The following ANGPTL4 variants were observed in gnomAD, a reference collection of about 807,000 sequenced individuals.
The protein encoded by ANGPTL4 is angiopoietin like 4, also known as angiopoietin-related protein 4.
ANGPTL4 carries 39 observed loss-of-function variants against 39.2 expected under a neutral mutation model. That is an observed-to-expected ratio of 1.00 (90% CI 0.77 to 1.30). The LOEUF (loss-of-function observed/expected upper bound fraction) is 1.30. Ranked by LOEUF, ANGPTL4 falls within the 50% of genes most tolerant of loss-of-function variation. ANGPTL4 has a pLI of 0.00. For synonymous variants in ANGPTL4, 233 were observed against 229.5 expected (o/e 1.02, Z -0.14); for missense variants, 545 against 549.8 (o/e 0.99, Z 0.09).
At position 8,371,416 on chromosome 19, in the gene ANGPTL4, G is replaced by C. The variant is rs1011837076; in HGVS notation, c.933G>C (p.Gln311His). 7 of 1,613,374 alleles carry C rather than the reference G, an allele frequency of 4.3e-6. No homozygotes were observed. The highest frequency in any genetic ancestry group is 1.6e-4 in the Middle Eastern group (1 of 6,062). The change falls in exon 6 of 7, where the codon CAG (glutamine) becomes CAC (histidine). Residue 311 changes from glutamine to histidine, a missense_variant. By Grantham distance (24) the Gln-to-His change is conservative. Coordinates refer to ENST00000301455, the MANE Select transcript of ANGPTL4 (RefSeq NM_139314.3). The surrounding 1 kb of genome is among the most constrained non-coding windows in gnomAD (Gnocchi z 5.1). Reference protein sequence around the residue: ...SLQLTAPVAGQLGATTVPPSG... With the variant: ...SLQLTAPVAGHLGATTVPPSG... Reference sequence around the variant, plus strand: ...AGCTCACTGCACCCGTGGCCGGCCAGCTGGGCGCCACCACCGTCCCACCCA... The same window carrying C: ...AGCTCACTGCACCCGTGGCCGGCCACCTGGGCGCCACCACCGTCCCACCCA...
At chr19:8,370,878 C>T (rs1477878761) in intron 4 of ANGPTL4, among the ~76,000 whole-genome samples, 178 bp from the exon 5 acceptor site, 2 of 152,100 alleles carry the variant, frequency 1.3e-5, no homozygotes, top group Non-Finnish European at 2.9e-5. Context: ...AAAGATCTTC[C>T]CAAGGCCAGC....
At chr19:8,370,374 G>T (rs1243895878) in intron 4 of ANGPTL4, among the ~76,000 whole-genome samples, 1 of 151,992 alleles carries the variant, frequency 6.6e-6, no homozygotes, top group African/African-American at 2.4e-5. Context: ...CCTGTGAATA[G>T]CCACCGCACT....
chr19:8,373,158 A>G (rs1188108921), intron 6 of ANGPTL4, among the ~76,000 whole-genome samples: 1 of 151,918 alleles, frequency 6.6e-6, no homozygotes, highest in African/African-American at 2.4e-5. Context: ...TAATCCCAGC[A>G]CTTTGGGAGG....
At chr19:8,367,107 C>G (rs1245780491) in intron 3 of ANGPTL4, among the ~76,000 whole-genome samples, 2 of 152,098 alleles carry the variant, frequency 1.3e-5, no homozygotes, top group African/African-American at 4.8e-5. Context: ...TTTGGATCCC[C>G]CTCTCACACC....
At position 8,364,652 on chromosome 19, in the gene ANGPTL4, A is replaced by G; in HGVS notation, c.318+13A>G. 6.3e-7 allele frequency: 1 copy of G among 1,579,662 alleles called. No individual in the cohort carries two copies. The highest frequency in any genetic ancestry group is 8.6e-7 in the Non-Finnish European group (1 of 1,163,538). On this transcript the variant is annotated intron_variant, in intron 1 of 6. Transcript: ENST00000301455. ...TCACAGCCTGCAGGTACGTGTCCCC[A>G]GGGCTGGTTCTCCGCGCCCCTAGTG...
chr19:8,371,582 C>T lies in ANGPTL4; in HGVS notation c.1039+60C>T, dbSNP rs1971122176. 1 of 1,604,602 alleles carries T rather than the reference C, an allele frequency of 6.2e-7. No individual in the cohort carries two copies. Among genetic ancestry groups the T allele is most frequent in the South Asian group, 1.1e-5 (1 of 90,638 alleles). Reference sequence around the variant, plus strand: ...AGCTTCCCTCCTTATCTTTCTGCTGCTCTGTCCTGCCTTCAACCCCACATT... The same window carrying T: ...AGCTTCCCTCCTTATCTTTCTGCTGTTCTGTCCTGCCTTCAACCCCACATT... On this transcript the variant is annotated intron_variant, in intron 6 of 6. Transcript: ENST00000301455. This position sits in a 1 kb window ranked among gnomAD's most constrained non-coding sequence, Gnocchi z 5.1.
intron 6 of ANGPTL4, among the ~76,000 whole-genome samples, chr19:8,372,392 C>CT (rs34408253): frequency 0.13 from 14,592 of 110,286 alleles, 1,072 homozygotes; most frequent in Non-Finnish European, 0.17. Context: ...CCACAGGATT[C>CT]TTTTTTTTTT....
At chr19:8,370,841 A>C (rs1216953164) in intron 4 of ANGPTL4, among the ~76,000 whole-genome samples, 1 of 151,710 alleles carries the variant, frequency 6.6e-6, no homozygotes, top group East Asian at 1.9e-4. Context: ...TCCCTCCCAC[A>C]CTCAGTCCCT....
In ANGPTL4 at chr19:8,366,073, A is replaced by C. The variant is rs1270465299; in HGVS notation, c.429+9A>C. Reference sequence around the variant, plus strand: ...AGCATCTGCAAAGCCAGGTAACCCTAGGATCAAGGGAGAAAAGGTCCCTCT... The same window carrying C: ...AGCATCTGCAAAGCCAGGTAACCCTCGGATCAAGGGAGAAAAGGTCCCTCT... On this transcript the variant is annotated intron_variant, in intron 2 of 6. Transcript: ENST00000301455. 1 of 1,613,604 alleles carries C rather than the reference A, an allele frequency of 6.2e-7. No homozygotes were observed. Among genetic ancestry groups the C allele is most frequent in the Non-Finnish European group, 8.5e-7 (1 of 1,179,606 alleles).
At position 8,371,507 on chromosome 19, in the gene ANGPTL4, G is replaced by A. The variant is rs555274215; in HGVS notation, c.1024G>A (p.Ala342Thr). 4.2e-5 allele frequency: 67 copies of A among 1,612,998 alleles called. No homozygotes were observed. The East Asian group carries it at 4.2e-4, about 10-fold the overall frequency. Reference sequence around the variant, plus strand: ...CGACCTCCGCAGGGACAAGAACTGCGCCAAGAGCCTCTCTGGTGAGCAGGC... The same window carrying A: ...CGACCTCCGCAGGGACAAGAACTGCACCAAGAGCCTCTCTGGTGAGCAGGC... ...DHDLRRDKNC[A>T]KSLSGGWWFG... Residue 342 changes from alanine (A) to threonine (T), a missense_variant, in exon 6 of 7, where the codon GCC (alanine) becomes ACC (threonine). By Grantham distance (58) the Ala-to-Thr change is moderately conservative. Transcript: ENST00000301455. This position sits in a 1 kb window ranked among gnomAD's most constrained non-coding sequence, Gnocchi z 5.1.
At chr19:8,369,383 C>A in intron 4 of ANGPTL4, 51 bp downstream of exon 4, 2 of 1,371,828 alleles carry the variant, frequency 1.5e-6, no homozygotes, top group Admixed American at 1.9e-5. Flanking sequence ...GCCCTGTTGT[C>A]TTTCTTTAAA....
At position 8,366,038 on chromosome 19, in the gene ANGPTL4, C is replaced by T. The variant is rs1165565932; in HGVS notation, c.403C>T (p.Leu135=). The T allele has an allele frequency of 3.1e-6, 5 of 1,614,022 alleles. No individual in the cohort carries two copies. The African/African-American group carries it at 6.7e-5, about 22-fold the overall frequency. Residue 135 remains leucine, a synonymous_variant, in exon 2 of 7, where the codon CTG becomes TTG. Coordinates refer to ENST00000301455, the MANE Select transcript of ANGPTL4 (RefSeq NM_139314.3). ...QQQRHLEKQH[L]RIQHLQSQFG... ...GCAGCGGCACCTGGAGAAGCAGCAC[C>T]TGCGAATTCAGCATCTGCAAAGCCA...
intron 3 of ANGPTL4, among the ~76,000 whole-genome samples, chr19:8,366,695 GA>G (rs1475776775): frequency 1.3e-5 from 2 of 152,062 alleles, no homozygotes; most frequent in African/African-American, 4.8e-5. Context: ...TGTCATGGAG[GA>G]GGGGGTGCCA....
At chr19:8,370,712 A>C (rs1020002359) in intron 4 of ANGPTL4, among the ~76,000 whole-genome samples, 1 of 151,802 alleles carries the variant, frequency 6.6e-6, no homozygotes, top group Non-Finnish European at 1.5e-5. Context: ...AAAAAAAAAA[A>C]AAAAAAAAAG....
chr19:8,370,621 G>A (rs1042332132), intron 4 of ANGPTL4, among the ~76,000 whole-genome samples: 2 of 148,776 alleles, frequency 1.3e-5, no homozygotes, highest in South Asian at 4.3e-4. Context: ...AATCGCTTGA[G>A]CCCCGAAGGC....
chr19:8,374,208 G>A lies in ANGPTL4; in HGVS notation c.*322G>A, dbSNP rs934956382. On this transcript the variant is annotated 3_prime_UTR_variant, in exon 7 of 7. Transcript: ENST00000301455. ...GGCCAGCCAGACTGGCCTCAATGGCGGACTCAGTCACATTGACTGACGGGG... is the reference window on the plus strand; with the variant it reads ...GGCCAGCCAGACTGGCCTCAATGGCAGACTCAGTCACATTGACTGACGGGG... 2.9e-5 allele frequency: 11 copies of A among 374,936 alleles called. No homozygotes were observed. The highest frequency in any genetic ancestry group is 5.9e-5 in the East Asian group (1 of 16,892). 23.2% of individuals were successfully genotyped at this position (374,936 alleles called of 1,614,324 possible).
At chr19:8,370,728 T>C (rs1971099100) in intron 4 of ANGPTL4, among the ~76,000 whole-genome samples, 1 of 149,314 alleles carries the variant, frequency 6.7e-6, no homozygotes, top group Non-Finnish European at 1.5e-5. Context: ...AAAAGAAAGC[T>C]TTTTTTTCCA....
At chr19:8,364,767 A>T in intron 1 of ANGPTL4, 128 bp downstream of exon 1, 2 of 1,204,620 alleles carry the variant, frequency 1.7e-6, no homozygotes, top group Non-Finnish European at 2.4e-6. Context: ...GCGTCAAGGG[A>T]TGGGCTCCCC....
rs1568218008 is a variant in ANGPTL4 at position 8,371,098 on chromosome 19, T to C, written c.704T>C (p.Val235Ala). ...TVIQRRHDGS[V>A]DFNRPWEAYK... ...ATTCAGAGGCGCCACGATGGCTCAG[T>C]GGACTTCAACCGGCCCTGGGAAGCC... The change falls in exon 5 of 7, where the codon GTG becomes GCG. Residue 235 changes from valine (V) to alanine (A), a missense_variant. Coordinates refer to ENST00000301455, the MANE Select transcript of ANGPTL4 (RefSeq NM_139314.3). This position sits in a 1 kb window ranked among gnomAD's most constrained non-coding sequence, Gnocchi z 5.1. 1 of 1,610,194 alleles carries C rather than the reference T, an allele frequency of 6.2e-7. No individual in the cohort carries two copies. Among genetic ancestry groups the C allele is most frequent in the East Asian group, 2.2e-5 (1 of 44,776 alleles).
Sources: gnomAD v4.1 joint callset for allele counts (sites outside exome capture counted in the v4.1 genomes callset) on GRCh38, gnomAD v4.1.1 for gene constraint, Gnocchi (gnomAD v3.1) non-coding constraint, MANE v1.5 for transcripts, NCBI Gene and HGNC (gene_info 2026-07-23, HGNC 2026-07-21) for gene names.